The following WWP2 variants were observed in gnomAD, a reference collection of about 807,000 sequenced individuals.
WWP2 encodes WW domain containing E3 ubiquitin protein ligase 2, also known as NEDD4-like E3 ubiquitin-protein ligase WWP2.
Under a neutral mutation model 121.0 loss-of-function variants are expected in WWP2, and 57 were observed. The observed-to-expected ratio is 0.47, with a 90% CI of 0.38 to 0.59. The LOEUF is 0.59. Ranked by LOEUF, WWP2 falls within the 20% of genes least tolerant of loss-of-function variation. The pLI is 0.00. For missense variants in WWP2, 962 were observed against 1,158.9 expected, an observed-to-expected ratio of 0.83 and a Z score of 2.47; for synonymous variants, 449 against 441.3, an observed-to-expected ratio of 1.02 and a Z score of -0.22.
intron 8 of WWP2, among the ~76,000 whole-genome samples, chr16:69,904,979 A>G (rs937067412): frequency 2.0e-5 from 3 of 152,202 alleles, no homozygotes; most frequent in African/African-American, 7.2e-5. Flanking sequence ...ACCAAAACCC[A>G]AATTAGGAGT....
At chr16:69,871,175 T>G (rs1183899964) in intron 6 of WWP2, among the ~76,000 whole-genome samples, 1 of 152,044 alleles carries the variant, frequency 6.6e-6, no homozygotes, top group Non-Finnish European at 1.5e-5. Context: ...GTCCAGCTAC[T>G]GGGGAGGCTG....
At chr16:69,864,801 G>C (rs2057489900) in intron 6 of WWP2, among the ~76,000 whole-genome samples, 2 of 151,532 alleles carry the variant, frequency 1.3e-5, no homozygotes, top group Non-Finnish European at 1.5e-5. Context: ...TAATAGAGAA[G>C]GGGTTTCACC....
At chr16:69,820,886 A>G (rs934982730) in intron 4 of WWP2, among the ~76,000 whole-genome samples, 11 of 151,926 alleles carry the variant, frequency 7.2e-5, no homozygotes, top group Admixed American at 4.6e-4. Context: ...TTCTCCTCTA[A>G]TTACTGAGGA....
intron 16 of WWP2, among the ~76,000 whole-genome samples, chr16:69,932,345 C>CA (rs777382271): frequency 1.3e-5 from 2 of 152,150 alleles, no homozygotes; most frequent in Non-Finnish European, 2.9e-5. Flanking sequence ...ACAAAACAAA[C>CA]AAAAAAACAA....
rs1222991739 is a variant in WWP2, at chr16:69,917,792, C to T, written c.1088C>T (p.Ala363Val). 1.2e-6 allele frequency: 2 copies of T among 1,614,068 alleles called. No homozygotes were observed. The highest frequency in any genetic ancestry group is 1.1e-5 in the South Asian group (1 of 91,078). Residue 363 changes from alanine (A) to valine (V), a missense_variant, in exon 10 of 24, where the codon GCG (alanine) becomes GTG (valine). Ala to Val is a moderately conservative substitution (Grantham distance 64). This residue lies in a region of WWP2 where 606 missense variants were observed against 772.6 expected (regional missense o/e 0.78). Coordinates refer to ENST00000359154, the MANE Select transcript of WWP2 (RefSeq NM_001270454.2). ...ACCACCACCTGGCAGCGTCCGACCG[C>T]GGAGTACGTGCGCAACTATGAGCAG... ...TRTTTWQRPT[A>V]EYVRNYEQWQ...
chr16:69,835,860 T>A (rs12447095), intron 4 of WWP2, among the ~76,000 whole-genome samples: 2 of 150,878 alleles, frequency 1.3e-5, no homozygotes, highest in Non-Finnish European at 3.0e-5. Context: ...TGGAATGTGG[T>A]GGCACGATCC....
intron 6 of WWP2, among the ~76,000 whole-genome samples, chr16:69,852,568 C>T (rs9940008): frequency 0.16 from 24,112 of 152,132 alleles, 2,246 homozygotes; most frequent in East Asian, 0.4. Context: ...GCTGCCTTGC[C>T]CGGCCTATGA....
intron 4 of WWP2, among the ~76,000 whole-genome samples, chr16:69,808,818 C>T (rs1216373011): frequency 1.3e-5 from 2 of 152,206 alleles, no homozygotes; most frequent in African/African-American, 2.4e-5. Context: ...CCATCATGAA[C>T]AACGCTGACA....
intron 1 of WWP2, among the ~76,000 whole-genome samples, chr16:69,784,588 A>G (rs936596770): frequency 1.3e-5 from 2 of 152,180 alleles, no homozygotes; most frequent in Non-Finnish European, 2.9e-5. Context: ...TCGCCTGAGA[A>G]TGTCCTTGAT....
intron 7 of WWP2, among the ~76,000 whole-genome samples, chr16:69,874,494 A>C (rs1419804972): frequency 3.9e-5 from 6 of 152,206 alleles, no homozygotes; most frequent in Non-Finnish European, 8.8e-5. Flanking sequence ...AAGAAATTTG[A>C]GGCCAAACCG....
Position 69,799,361 on chromosome 16 carries a change from C to A in WWP2, c.340+66C>A. 1 of 1,568,922 alleles carries A rather than the reference C, an allele frequency of 6.4e-7. No homozygotes were observed. The highest frequency in any genetic ancestry group is 8.6e-7 in the Non-Finnish European group (1 of 1,156,998). ...GGGATGGGAGGACCTGGCAGATCAA[C>A]CTGGTATTGCAATTTCCCCCAGGAC... is the stretch of plus-strand genomic sequence containing the variant. On this transcript the variant is annotated intron_variant, in intron 4 of 23. Coordinates refer to ENST00000359154, the MANE Select transcript of WWP2 (RefSeq NM_001270454.2). The surrounding 1 kb of genome is among the most constrained non-coding windows in gnomAD (Gnocchi z 4.5).
chr16:69,859,424 G>A lies in WWP2; in HGVS notation c.576-12380G>A, dbSNP rs1256605058. ...ACAGAAATTAGCTAGGCATGGTGGCGCATGCCTGTCATCCCGGTTACTCAG... is the reference window on the plus strand; with the variant it reads ...ACAGAAATTAGCTAGGCATGGTGGCACATGCCTGTCATCCCGGTTACTCAG... On this transcript the variant is annotated intron_variant, in intron 6 of 23. Coordinates refer to ENST00000359154, the MANE Select transcript of WWP2 (RefSeq NM_001270454.2). Among the ~76,000 whole-genome samples the A allele has an allele frequency of 3.9e-5, 6 of 152,140 alleles. No homozygotes were observed. The East Asian group carries it at 5.8e-4, about 15-fold the overall frequency.
intron 1 of WWP2, among the ~76,000 whole-genome samples, chr16:69,764,268 C>T (rs533849569): frequency 6.6e-5 from 10 of 152,156 alleles, no homozygotes; most frequent in Non-Finnish European, 1.0e-4. Context: ...GGCACAATCA[C>T]GGCTCACTGT....
intron 17 of WWP2, 65 bp downstream of exon 17, chr16:69,934,194 A>C: frequency 6.3e-7 from 1 of 1,582,076 alleles, no homozygotes; most frequent in Non-Finnish European, 8.7e-7. Context: ...TCTCCTGGTG[A>C]AGTGTGCCAG....
rs1164939327 is a variant in WWP2 at position 69,787,229 on chromosome 16, A to G, written c.70+149A>G. The G allele has an allele frequency of 2.0e-5, 11 of 559,498 alleles. No individual in the cohort carries two copies. In the East Asian group the frequency reaches 3.7e-4, roughly 19 times the overall value. The allele number at this position is 559,498 out of a possible 1,614,324, so 34.7% of individuals were successfully genotyped here. A position where few individuals can be genotyped will look rare whatever the true frequency, so the allele number is the denominator to read the frequency against. ...CATGGGATTGTCATCTTGTAGCTGT[A>G]ATTCTTGAAGAAGAAAGAAAATAAA... On this transcript the variant is annotated intron_variant, in intron 2 of 23. Coordinates refer to ENST00000359154, the MANE Select transcript of WWP2 (RefSeq NM_001270454.2).
intron 4 of WWP2, among the ~76,000 whole-genome samples, chr16:69,826,123 C>T (rs1199649094): frequency 6.6e-6 from 1 of 151,148 alleles, no homozygotes; most frequent in Non-Finnish European, 1.5e-5. Context: ...AAAAATTAGC[C>T]GGGTGTGGTG....
At chr16:69,875,561 C>G (rs554630425) in intron 7 of WWP2, among the ~76,000 whole-genome samples, 2 of 152,338 alleles carry the variant, frequency 1.3e-5, no homozygotes, top group South Asian at 4.1e-4. Flanking sequence ...AACTTTGCTG[C>G]AGCTTTATCA....
intron 6 of WWP2, among the ~76,000 whole-genome samples, chr16:69,849,598 G>A (rs2057162782): frequency 6.6e-6 from 1 of 152,118 alleles, no homozygotes; most frequent in Admixed American, 6.6e-5. Flanking sequence ...ATATGGAATA[G>A]GATTGAGACA....
chr16:69,915,684 G>A (rs1457710797), intron 9 of WWP2, among the ~76,000 whole-genome samples: 3 of 152,188 alleles, frequency 2.0e-5, no homozygotes, highest in Non-Finnish European at 4.4e-5. Context: ...TGGGGCAAGA[G>A]ACCATCGTTT....
Sources: gnomAD v4.1 joint callset for allele counts (sites outside exome capture counted in the v4.1 genomes callset) on GRCh38, gnomAD v4.1.1 for gene constraint, gnomAD v4.1.1 regional missense constraint, Gnocchi (gnomAD v3.1) non-coding constraint, MANE v1.5 for transcripts, NCBI Gene and HGNC (gene_info 2026-07-23, HGNC 2026-07-21) for gene names.